Variants in STK32B observed in about 807,000 individuals in gnomAD.
STK32B encodes serine/threonine kinase 32B.
STK32B carries 43 observed loss-of-function variants against 52.6 expected under a neutral mutation model. That is an observed-to-expected ratio of 0.82 (90% CI 0.64 to 1.05). STK32B has a LOEUF of 1.05. STK32B is among the 50% of genes least tolerant of loss of function. The pLI, the probability that STK32B is intolerant of heterozygous loss-of-function variation, is 0.00. For missense variants in STK32B, 621 were observed against 534.6 expected (o/e 1.16, Z -1.59); for synonymous variants, 238 against 204.3 (o/e 1.17, Z -1.41).
chr4:5,300,199 G>A (rs1729465802), intron 3 of STK32B, among the ~76,000 whole-genome samples: 2 of 152,114 alleles, frequency 1.3e-5, no homozygotes, highest in African/African-American at 4.8e-5. Flanking sequence ...CATCTCAATA[G>A]ATGCAGAAAA....
At chr4:5,241,968 C>T (rs112119552) in intron 3 of STK32B, among the ~76,000 whole-genome samples, 4 of 152,106 alleles carry the variant, frequency 2.6e-5, no homozygotes, top group Non-Finnish European at 4.4e-5. Context: ...TCTTAATCCA[C>T]TCTATCATTG....
intron 9 of STK32B, among the ~76,000 whole-genome samples, chr4:5,461,931 C>T (rs749042202): frequency 6.6e-6 from 1 of 152,198 alleles, no homozygotes; most frequent in African/African-American, 2.4e-5. Flanking sequence ...AGACACCCCT[C>T]GGACTGCTGT....
Position 5,439,544 on chromosome 4 carries a change from T to G in STK32B, c.563-7129T>G, listed in dbSNP as rs535345695. Among the ~76,000 whole-genome samples, 1,158 of 147,674 alleles carry G rather than the reference T, an allele frequency of 7.8e-3. 13 individuals are homozygous for G. The highest frequency in any genetic ancestry group is 0.029 in the African/African-American group (1,089 of 37,260). ...GTAGGTTGTGAAATTTTTCTCCCAT[T>G]TTGTAGGTTGCCTGTTCACTCTGAT... On this transcript the variant is annotated intron_variant, in intron 6 of 11. Transcript: ENST00000282908.
chr4:5,424,569 C>A (rs1192550635), intron 6 of STK32B, among the ~76,000 whole-genome samples: 1 of 152,190 alleles, frequency 6.6e-6, no homozygotes, highest in Non-Finnish European at 1.5e-5. Context: ...TGGGTCTCCA[C>A]CCAGCTGAGA....
chr4:5,448,422 C>A (rs563095259), intron 7 of STK32B, among the ~76,000 whole-genome samples: 1 of 152,114 alleles, frequency 6.6e-6, no homozygotes, highest in Non-Finnish European at 1.5e-5. Flanking sequence ...CAGAACACAC[C>A]GGCATCCGCC....
In STK32B at chr4:5,439,316, T is replaced by C. The variant is rs78849090; in HGVS notation, c.563-7357T>C. Among the ~76,000 whole-genome samples, 293 of 151,516 alleles carry C rather than the reference T, an allele frequency of 1.9e-3. 2 individuals carry two copies. Among genetic ancestry groups the C allele is most frequent in the African/African-American group, 6.6e-3 (275 of 41,358 alleles). On this transcript the variant is annotated intron_variant, in intron 6 of 11. Transcript: ENST00000282908. ...CATTCTAACTGGTGTGAGATGGTAT[T>C]TCATTGTGGTTTGGATTTGCATTTC...
intron 3 of STK32B, among the ~76,000 whole-genome samples, chr4:5,320,966 G>A (rs1213519702): frequency 2.0e-5 from 3 of 152,178 alleles, no homozygotes; most frequent in African/African-American, 4.8e-5. Context: ...GATGATGCAT[G>A]TATACTGAAT....
intron 1 of STK32B, among the ~76,000 whole-genome samples, chr4:5,125,495 A>T (rs1346748204): frequency 1.3e-5 from 2 of 152,180 alleles, no homozygotes; most frequent in Non-Finnish European, 2.9e-5. Context: ...GGGCAGCTGC[A>T]GCAGCACCTG....
Position 5,466,762 on chromosome 4 carries a change from G to A in STK32B, c.969G>A (p.Lys323=), listed in dbSNP as rs1560439135. The A allele has an allele frequency of 1.9e-6, 3 of 1,613,956 alleles. No individual in the cohort carries two copies. The highest frequency in any genetic ancestry group is 2.7e-5 in the African/African-American group (2 of 74,914). ...FELEEMILES[K]PLHKKKKRLA... is the part of the protein sequence containing the mutation. ...TTGAAGAGATGATTCTAGAATCCAA[G>A]CCACTTCACAAAAAGAAGAAGCGAT... Residue 323 remains lysine (K), a synonymous_variant, in exon 10 of 12, where the codon AAG becomes AAA. Transcript: ENST00000282908.
intron 4 of STK32B, among the ~76,000 whole-genome samples, chr4:5,360,206 T>C (rs969397070): frequency 6.6e-6 from 1 of 152,178 alleles, no homozygotes; most frequent in African/African-American, 2.4e-5. Flanking sequence ...CACTTGTCCA[T>C]TTCAAAAATT....
chr4:5,429,978 A>G (rs1235506080), intron 6 of STK32B, among the ~76,000 whole-genome samples: 1 of 151,944 alleles, frequency 6.6e-6, no homozygotes, highest in Non-Finnish European at 1.5e-5. Flanking sequence ...TGTAGGTAAC[A>G]TGCTTTTTTC....
At chr4:5,455,988 C>G (rs1295471109) in intron 7 of STK32B, among the ~76,000 whole-genome samples, 1 of 152,072 alleles carries the variant, frequency 6.6e-6, no homozygotes, top group Non-Finnish European at 1.5e-5. Context: ...TGATACCAAC[C>G]TGAAAACATC....
chr4:5,388,200 A>C (rs959553066), intron 4 of STK32B, among the ~76,000 whole-genome samples: 2 of 152,224 alleles, frequency 1.3e-5, no homozygotes, highest in African/African-American at 4.8e-5. Context: ...GTGAACTGCA[A>C]AACTGCACAA....
intron 4 of STK32B, among the ~76,000 whole-genome samples, chr4:5,350,198 T>A (rs1455597645): frequency 7.6e-6 from 1 of 131,528 alleles, no homozygotes; most frequent in Non-Finnish European, 1.7e-5. Flanking sequence ...TCAAAGAAAT[T>A]AAAAACAGCA....
intron 1 of STK32B, among the ~76,000 whole-genome samples, chr4:5,076,703 G>T (rs941451170): frequency 7.2e-5 from 11 of 152,124 alleles, no homozygotes; most frequent in Non-Finnish European, 1.5e-4. Context: ...TTAAGTTGAT[G>T]AACTCTGTAC....
At chr4:5,480,185 T>G (rs751519697) in intron 11 of STK32B, among the ~76,000 whole-genome samples, 2 of 152,214 alleles carry the variant, frequency 1.3e-5, no homozygotes, top group African/African-American at 2.4e-5. Context: ...AGACATTATC[T>G]TCTTTTCATT....
intron 4 of STK32B, among the ~76,000 whole-genome samples, chr4:5,384,832 G>A (rs1413042018): frequency 6.6e-6 from 1 of 152,148 alleles, no homozygotes; most frequent in Admixed American, 6.5e-5. Context: ...TTCCAGAGTG[G>A]GATGTTTGAG....
At chr4:5,297,211 G>A (rs540282848) in intron 3 of STK32B, among the ~76,000 whole-genome samples, 15 of 152,160 alleles carry the variant, frequency 9.9e-5, no homozygotes, top group Admixed American at 6.5e-4. Flanking sequence ...CCCTTAACAT[G>A]TCTTCCTTCA....
the STK32B span, among the ~76,000 whole-genome samples, chr4:5,024,617 C>T: frequency 6.6e-6 from 1 of 152,146 alleles, no homozygotes; most frequent in Non-Finnish European, 1.5e-5. Context: ...GGAAGCGGAC[C>T]CTGCCTATGC....
Sources: gnomAD v4.1 joint callset for allele counts (sites outside exome capture counted in the v4.1 genomes callset) on GRCh38, gnomAD v4.1.1 for gene constraint, MANE v1.5 for transcripts, NCBI Gene and HGNC (gene_info 2026-07-23, HGNC 2026-07-21) for gene names.